The following GTPBP8 variants were observed in gnomAD, a reference collection of about 807,000 sequenced individuals.
GTPBP8 encodes GTP binding protein 8, also known as GTP-binding protein 8.
GTPBP8 carries 21 observed loss-of-function variants against 27.3 expected under a neutral mutation model. The observed-to-expected ratio is 0.77, with a 90% CI of 0.55 to 1.11. The LOEUF (loss-of-function observed/expected upper bound fraction) is 1.11. Ranked by LOEUF, GTPBP8 falls within the 50% of genes least tolerant of loss-of-function variation. The pLI is 0.00. For missense variants in GTPBP8, 380 were observed against 350.8 expected (o/e 1.08, Z -0.67); for synonymous variants, 147 against 135.3 (o/e 1.09, Z -0.60).
At position 113,001,004 on chromosome 3, in the gene GTPBP8, T is replaced by C; in HGVS notation, c.*85T>C. ...TTAAATACCTAGAAGAATTTCAACA[T>C]TGTTTTAAATGTTGTGCATCTGTAA... On this transcript the variant is annotated 3_prime_UTR_variant, in exon 6 of 6. Transcript: ENST00000383678. 1.3e-6 allele frequency: 1 copy of C among 774,818 alleles called. No homozygotes were observed. The allele number at this position is 774,818 out of a possible 1,614,324, so 48.0% of individuals were successfully genotyped here. A position where few individuals can be genotyped will look rare whatever the true frequency, so the allele number is the denominator to read the frequency against.
At position 112,991,035 on chromosome 3, in the gene GTPBP8, A is replaced by G. The variant is rs1228218439; in HGVS notation, c.36A>G (p.Arg12=). ...AAPGLRLGAG[R]LFEMPAVLER... Reference sequence around the variant, plus strand: ...CCGGGCTGCGGCTGGGAGCGGGAAGACTCTTTGAAATGCCTGCGGTGCTAG... The same window carrying G: ...CCGGGCTGCGGCTGGGAGCGGGAAGGCTCTTTGAAATGCCTGCGGTGCTAG... Residue 12 remains arginine (R), a synonymous_variant, in exon 1 of 6, where the codon AGA becomes AGG. Coordinates refer to ENST00000383678, the MANE Select transcript of GTPBP8 (RefSeq NM_014170.4). 1 of 1,603,146 alleles carries G rather than the reference A, an allele frequency of 6.2e-7. No individual in the cohort carries two copies. Among genetic ancestry groups the G allele is most frequent in the Non-Finnish European group, 8.5e-7 (1 of 1,172,540 alleles).
At chr3:112,999,673 GGAAAAGT>G in intron 5 of GTPBP8, 109 bp downstream of exon 5, 1 of 609,694 alleles carries the variant, frequency 1.6e-6, no homozygotes. Flanking sequence ...TTGGTTGCAT[GGAAAAGT>G]TCTTTAGTGG....
chr3:113,000,942 T>C lies in GTPBP8; in HGVS notation c.*23T>C. On this transcript the variant is annotated 3_prime_UTR_variant, in exon 6 of 6. Transcript: ENST00000383678. Reference sequence around the variant, plus strand: ...TAATGGTTCCCGGTTTAGCTGAAGATTCAAAAAAAAAAAAAAAAGCTTTAT... The same window carrying C: ...TAATGGTTCCCGGTTTAGCTGAAGACTCAAAAAAAAAAAAAAAAGCTTTAT... 7.9e-7 allele frequency: 1 copy of C among 1,265,760 alleles called. No individual in the cohort carries two copies. The highest frequency in any genetic ancestry group is 1.1e-6 in the Non-Finnish European group (1 of 903,558). 78.4% of individuals were successfully genotyped at this position (1,265,760 alleles called of 1,614,324 possible).
chr3:112,992,927 C>G, intron 1 of GTPBP8, 99 bp from the exon 2 acceptor site: 1 of 631,086 alleles, frequency 1.6e-6, no homozygotes, highest in East Asian at 2.8e-5. Context: ...TTAATTCATT[C>G]AATAAATATT....
At chr3:113,000,641 C>T (rs775266551) in intron 5 of GTPBP8, among the ~76,000 whole-genome samples, 2 of 151,996 alleles carry the variant, frequency 1.3e-5, no homozygotes, top group Non-Finnish European at 2.9e-5. Context: ...TTTTTGGAAT[C>T]ATGAAGGAAA....
At chr3:112,997,114 T>C in intron 4 of GTPBP8, 123 bp downstream of exon 4, 1 of 613,838 alleles carries the variant, frequency 1.6e-6, no homozygotes, top group South Asian at 1.8e-5. Context: ...GAGTGCCTTT[T>C]GAATAATCTT....
chr3:112,992,940 C>A, intron 1 of GTPBP8, 86 bp from the exon 2 acceptor site: 3 of 662,832 alleles, frequency 4.5e-6, no homozygotes, highest in South Asian at 2.0e-5. Flanking sequence ...TAAATATTAG[C>A]TGTGTTAGAA....
At chr3:112,998,669 A>G (rs1933832598) in intron 4 of GTPBP8, among the ~76,000 whole-genome samples, 2 of 152,124 alleles carry the variant, frequency 1.3e-5, no homozygotes, top group Admixed American at 6.6e-5. Context: ...GCAGGAGGTC[A>G]GAGAGATTTT....
chr3:112,999,956 T>C (rs1271637407), intron 5 of GTPBP8, among the ~76,000 whole-genome samples: 2 of 152,230 alleles, frequency 1.3e-5, no homozygotes, highest in Non-Finnish European at 2.9e-5. Flanking sequence ...TTTTGTTCCA[T>C]TTTATGGCTG....
intron 4 of GTPBP8, among the ~76,000 whole-genome samples, chr3:112,998,771 A>G (rs1933834437): frequency 6.6e-6 from 1 of 152,206 alleles, no homozygotes; most frequent in Non-Finnish European, 1.5e-5. Flanking sequence ...ACATAAACCA[A>G]TATATGTATC....
intron 2 of GTPBP8, 132 bp downstream of exon 2, chr3:112,993,256 A>C (rs1933719538): frequency 1.7e-6 from 1 of 595,434 alleles, no homozygotes. Context: ...AAAGTAATAA[A>C]GTAAGACATC....
rs1374488346 is a variant in GTPBP8, at chr3:113,000,895, C to T, written c.831C>T (p.Ala277=). ...TCCACCTGTTGAGATGCTTTATAGCCAGTGTAACAGGAAGTCTTGACTAAT... is the reference window on the plus strand; with the variant it reads ...TCCACCTGTTGAGATGCTTTATAGCTAGTGTAACAGGAAGTCTTGACTAAT... ...SGIHLLRCFI[A]SVTGSLD The change falls in exon 6 of 6, where the codon GCC becomes GCT. Residue 277 remains alanine, a synonymous_variant. Coordinates refer to ENST00000383678, the MANE Select transcript of GTPBP8 (RefSeq NM_014170.4). The T allele has an allele frequency of 6.3e-7, 1 of 1,585,626 alleles. No homozygotes were observed. Among genetic ancestry groups the T allele is most frequent in the African/African-American group, 1.4e-5 (1 of 72,350 alleles).
intron 2 of GTPBP8, among the ~76,000 whole-genome samples, chr3:112,993,896 C>T (rs1576166294): frequency 6.6e-6 from 1 of 152,332 alleles, no homozygotes; most frequent in East Asian, 1.9e-4. Flanking sequence ...ATCCTTACTC[C>T]TGCCCCGCCT....
chr3:112,993,647 A>G (rs1250546514), intron 2 of GTPBP8, among the ~76,000 whole-genome samples: 1 of 152,146 alleles, frequency 6.6e-6, no homozygotes, highest in African/African-American at 2.4e-5. Flanking sequence ...CCAATATCTA[A>G]GATACCCTTT....
At chr3:112,992,648 CTA>C (rs1388652012) in intron 1 of GTPBP8, 3 of 160,728 alleles carry the variant, frequency 1.9e-5, no homozygotes, top group African/African-American at 7.2e-5. Flanking sequence ...TGAACTACAT[CTA>C]GTTTTTACTC....
Position 113,000,928 on chromosome 3 carries a change from G to A in GTPBP8, c.*9G>A, listed in dbSNP as rs759886445. The A allele has an allele frequency of 6.1e-6, 9 of 1,465,580 alleles. No individual in the cohort carries two copies. The highest frequency in any genetic ancestry group is 6.1e-5 in the South Asian group (5 of 81,970). 90.8% of individuals were successfully genotyped at this position (1,465,580 alleles called of 1,614,324 possible). On this transcript the variant is annotated 3_prime_UTR_variant, in exon 6 of 6. Transcript: ENST00000383678. ...CAGGAAGTCTTGACTAATGGTTCCCGGTTTAGCTGAAGATTCAAAAAAAAA... is the reference window on the plus strand; with the variant it reads ...CAGGAAGTCTTGACTAATGGTTCCCAGTTTAGCTGAAGATTCAAAAAAAAA...
chr3:113,001,009 T>C lies in GTPBP8; in HGVS notation c.*90T>C. ...TACCTAGAAGAATTTCAACATTGTT[T>C]TAAATGTTGTGCATCTGTAACTTCA... On this transcript the variant is annotated 3_prime_UTR_variant, in exon 6 of 6. Coordinates refer to ENST00000383678, the MANE Select transcript of GTPBP8 (RefSeq NM_014170.4). 2 of 747,714 alleles carry C rather than the reference T, an allele frequency of 2.7e-6. No individual in the cohort carries two copies. Among genetic ancestry groups the C allele is most frequent in the Non-Finnish European group, 4.5e-6 (2 of 441,908 alleles). The allele number at this position is 747,714 out of a possible 1,614,324, so 46.3% of individuals were successfully genotyped here.
rs2107370128 is a variant in GTPBP8 at position 112,996,936 on chromosome 3, A to T, written c.611A>T (p.Gln204Leu). Residue 204 changes from glutamine (Q) to leucine (L), a missense_variant, in exon 4 of 6, where the codon CAA becomes CTA. By Grantham distance (113) the Gln-to-Leu change is moderately radical (BLOSUM62 -2). Coordinates refer to ENST00000383678, the MANE Select transcript of GTPBP8 (RefSeq NM_014170.4). Reference sequence around the variant, plus strand: ...TTAGTGGATAGCGTTGTTGGAATTCAAAAAACAGACAATATTGCCATAGAA... The same window carrying T: ...TTAGTGGATAGCGTTGTTGGAATTCTAAAAACAGACAATATTGCCATAGAA... ...FLLVDSVVGI[Q>L]KTDNIAIEMC... is the part of the protein sequence containing the mutation. 1 of 1,583,130 alleles carries T rather than the reference A, an allele frequency of 6.3e-7. No individual in the cohort carries two copies. Among genetic ancestry groups the T allele is most frequent in the South Asian group, 1.1e-5 (1 of 89,914 alleles).
At chr3:113,000,294 A>T (rs966337757) in intron 5 of GTPBP8, among the ~76,000 whole-genome samples, 18 of 152,140 alleles carry the variant, frequency 1.2e-4, no homozygotes, top group Admixed American at 1.2e-3. Context: ...GCTGCTCGGG[A>T]GGCAGAGGTT....
Sources: gnomAD v4.1 joint callset for allele counts (sites outside exome capture counted in the v4.1 genomes callset) on GRCh38, gnomAD v4.1.1 for gene constraint, MANE v1.5 for transcripts, NCBI Gene and HGNC (gene_info 2026-07-23, HGNC 2026-07-21) for gene names.